Variants in PLXDC2 observed in about 807,000 individuals in gnomAD.
The protein encoded by PLXDC2 is plexin domain containing 2.
In PLXDC2, 40 loss-of-function variants were observed where a neutral mutation model predicts 68.9. That is an observed-to-expected ratio of 0.58 (90% CI 0.45 to 0.76). PLXDC2 has a LOEUF of 0.76. PLXDC2 is among the 30% of genes least tolerant of loss of function. The pLI is 0.00. For missense variants in PLXDC2, 644 were observed against 661.9 expected (o/e 0.97, Z 0.30); for synonymous variants, 243 against 234.2 (o/e 1.04, Z -0.34).
chr10:20,135,026 T>C (rs892353241), intron 4 of PLXDC2, among the ~76,000 whole-genome samples: 1 of 152,246 alleles, frequency 6.6e-6, no homozygotes, highest in African/African-American at 2.4e-5. Flanking sequence ...TCAATTTGTC[T>C]TTTCTTATTT....
chr10:20,221,628 A>G (rs550443489), intron 12 of PLXDC2, among the ~76,000 whole-genome samples: 2 of 152,286 alleles, frequency 1.3e-5, no homozygotes, highest in East Asian at 3.9e-4. Context: ...TTAGTGTGCT[A>G]TTGTTTTTTA....
intron 1 of PLXDC2, among the ~76,000 whole-genome samples, chr10:19,885,596 T>A (rs962909617): frequency 6.4e-4 from 98 of 151,982 alleles, no homozygotes; most frequent in Non-Finnish European, 1.1e-3. Flanking sequence ...CCCAGCACCG[T>A]TTATTAAATA....
chr10:20,068,141 A>G, intron 3 of PLXDC2, 29 bp from the exon 4 acceptor site: 1 of 1,582,620 alleles, frequency 6.3e-7, no homozygotes, highest in Admixed American at 1.7e-5. Flanking sequence ...CACATTATTG[A>G]TTTTTTTCTC....
chr10:20,157,692 C>G (rs1171477094), intron 6 of PLXDC2, among the ~76,000 whole-genome samples: 3 of 152,166 alleles, frequency 2.0e-5, no homozygotes, highest in African/African-American at 7.2e-5. Flanking sequence ...GACATCTTTT[C>G]CTGCCTTGAT....
rs190666075 is a variant in PLXDC2, at chr10:20,064,757, C to A, written c.472-3413C>A. ...GAAACCTGTGCTTGACTCCAGATGTCTCTCACTCACTCCCAACTTTTAAGC... is the reference window on the plus strand; with the variant it reads ...GAAACCTGTGCTTGACTCCAGATGTATCTCACTCACTCCCAACTTTTAAGC... On this transcript the variant is annotated intron_variant, in intron 3 of 13. Coordinates refer to ENST00000377252, the MANE Select transcript of PLXDC2 (RefSeq NM_032812.9). 7.4e-4 allele frequency among the ~76,000 whole-genome samples: 112 copies of A among 152,280 alleles called. 1 individual carries two copies. Among genetic ancestry groups the A allele is most frequent in the African/African-American group, 2.6e-3 (110 of 41,568 alleles).
intron 1 of PLXDC2, among the ~76,000 whole-genome samples, chr10:19,888,171 G>C (rs181529312): frequency 6.6e-6 from 1 of 152,188 alleles, no homozygotes; most frequent in South Asian, 2.1e-4. Context: ...CTAGCAGACC[G>C]GGCTATTGCT....
At chr10:20,124,811 A>C (rs1400326243) in intron 4 of PLXDC2, among the ~76,000 whole-genome samples, 1 of 145,884 alleles carries the variant, frequency 6.9e-6, no homozygotes, top group Non-Finnish European at 1.5e-5. Flanking sequence ...TTAAGGCAGG[A>C]ACAGGCCATT....
chr10:19,946,047 A>G lies in PLXDC2; in HGVS notation c.113-55728A>G, dbSNP rs191789310. ...GCCCGTTGATTAAGGATAGCAATGG[A>G]TCAAGCAGAATGCTTCCAATATTGA... On this transcript the variant is annotated intron_variant, in intron 1 of 13. Transcript: ENST00000377252. Among the ~76,000 whole-genome samples the G allele has an allele frequency of 1.3e-5, 2 of 152,310 alleles. 1 individual carries two copies. The highest frequency in any genetic ancestry group is 1.3e-4 in the Admixed American group (2 of 15,298).
intron 1 of PLXDC2, among the ~76,000 whole-genome samples, chr10:19,860,914 T>A (rs1435714204): frequency 6.6e-6 from 1 of 152,198 alleles, no homozygotes; most frequent in African/African-American, 2.4e-5. Flanking sequence ...CAAGGTCTGG[T>A]AATTTTACTT....
At chr10:19,844,444 T>C (rs1836964483) in intron 1 of PLXDC2, among the ~76,000 whole-genome samples, 1 of 152,122 alleles carries the variant, frequency 6.6e-6, no homozygotes, top group Admixed American at 6.6e-5. Context: ...AAGTGATGTA[T>C]TACAAACCAC....
intron 3 of PLXDC2, among the ~76,000 whole-genome samples, chr10:20,059,549 T>A (rs1836061870): frequency 6.6e-6 from 1 of 152,228 alleles, no homozygotes; most frequent in Admixed American, 6.5e-5. Context: ...TAAGTTCTGC[T>A]ATGAAAAAAG....
At chr10:20,103,546 A>C (rs970401392) in intron 4 of PLXDC2, among the ~76,000 whole-genome samples, 6 of 151,970 alleles carry the variant, frequency 3.9e-5, no homozygotes, top group Non-Finnish European at 8.8e-5. Flanking sequence ...GGAAAGGAAT[A>C]GCATCATAGC....
chr10:19,860,417 G>A (rs915703551), intron 1 of PLXDC2, among the ~76,000 whole-genome samples: 1 of 152,144 alleles, frequency 6.6e-6, no homozygotes, highest in Non-Finnish European at 1.5e-5. Context: ...ATAAATACCT[G>A]TTGATGAATG....
intron 1 of PLXDC2, among the ~76,000 whole-genome samples, chr10:19,912,752 T>A (rs1833296951): frequency 6.6e-6 from 1 of 152,116 alleles, no homozygotes; most frequent in African/African-American, 2.4e-5. Context: ...TAAAAATTGA[T>A]AAATGACAAC....
At chr10:20,242,563 C>G (rs530822441) in intron 12 of PLXDC2, among the ~76,000 whole-genome samples, 2 of 152,242 alleles carry the variant, frequency 1.3e-5, no homozygotes, top group East Asian at 1.9e-4. Context: ...AATACTGTAA[C>G]CTATTTCCAA....
chr10:20,120,086 G>A (rs1337525671), intron 4 of PLXDC2, among the ~76,000 whole-genome samples: 6 of 151,388 alleles, frequency 4.0e-5, no homozygotes, highest in African/African-American at 4.9e-5. Context: ...AGTGTAAACC[G>A]GCAGTGTAAA....
At chr10:19,817,430 G>T (rs1284802539) in intron 1 of PLXDC2, among the ~76,000 whole-genome samples, 1 of 152,168 alleles carries the variant, frequency 6.6e-6, no homozygotes, top group Non-Finnish European at 1.5e-5. Context: ...GGCGGCAGGG[G>T]GTGGTACTGT....
At chr10:20,142,292 A>C (rs1424388589) in intron 4 of PLXDC2, among the ~76,000 whole-genome samples, 4 of 152,062 alleles carry the variant, frequency 2.6e-5, no homozygotes, top group Non-Finnish European at 5.9e-5. Context: ...TGACTGCCCA[A>C]ACATTACAAT....
chr10:19,962,331 G>C (rs1482414028), intron 1 of PLXDC2, among the ~76,000 whole-genome samples: 1 of 99,628 alleles, frequency 1.0e-5, no homozygotes, highest in Non-Finnish European at 2.0e-5. Context: ...ATGAAAAGGA[G>C]GTTCTTTTTT....
Sources: gnomAD v4.1 joint callset for allele counts (sites outside exome capture counted in the v4.1 genomes callset) on GRCh38, gnomAD v4.1.1 for gene constraint, MANE v1.5 for transcripts, NCBI Gene and HGNC (gene_info 2026-07-23, HGNC 2026-07-21) for gene names.